Variants in LYZL2 observed in about 807,000 individuals in gnomAD.
LYZL2 encodes the protein lysozyme like 2, also known as lysozyme-like protein 2.
In LYZL2, 13 loss-of-function variants were observed where a neutral mutation model predicts 17.1. The ratio of observed to expected loss-of-function variants is 0.76; its 90% CI spans 0.49 to 1.21. The LOEUF (loss-of-function observed/expected upper bound fraction) is 1.21. Ranked by LOEUF, LYZL2 falls within the 50% of genes most tolerant of loss-of-function variation. The probability of loss-of-function intolerance (pLI) is 0.00; values close to 1 mark genes in which losing one functional copy is unlikely to be tolerated. For missense variants in LYZL2, 166 were observed against 189.2 expected, an observed-to-expected ratio of 0.88 and a Z score of 0.72; for synonymous variants, 63 against 74.4, an observed-to-expected ratio of 0.85 and a Z score of 0.79.
rs1460171583 is a variant in LYZL2 at position 30,626,229 on chromosome 10, G to A, written c.174C>T (p.Asn58=). 1 of 1,614,246 alleles carries A rather than the reference G, an allele frequency of 6.2e-7. No individual in the cohort carries two copies. The highest frequency in any genetic ancestry group is 8.5e-7 in the Non-Finnish European group (1 of 1,180,032). ...ICMAYYESGY[N]TTAQTVLDDG... ...CATCCAGGACCGTCTGGGCTGTGGT[G>A]TTGTAGCCGCTCTCATAATACGCCA... Residue 58 remains asparagine (N), a synonymous_variant, in exon 3 of 5, where the codon AAC becomes AAT. Transcript: ENST00000647634.
In LYZL2 at chr10:30,626,846, G is replaced by A. The variant is rs200693663; in HGVS notation, c.70C>T (p.Arg24Cys). The A allele has an allele frequency of 7.4e-5, 120 of 1,614,082 alleles. No individual in the cohort carries two copies. The highest frequency in any genetic ancestry group is 6.6e-4 in the Middle Eastern group (4 of 6,084). ...VTGAESKIYT[R>C]CKLAKIFSRA... ...GAGAATATTTTTGCCAGTTTGCAAC[G>A]AGTGTAGATTTTGGACTCGGCGCCT... Residue 24 changes from arginine to cysteine, a missense_variant, in exon 2 of 5, where the codon CGT becomes TGT. Arg to Cys is a radical substitution (Grantham distance 180, BLOSUM62 -3). Coordinates refer to ENST00000647634, the MANE Select transcript of LYZL2 (RefSeq NM_183058.3).
intron 3 of LYZL2, among the ~76,000 whole-genome samples, chr10:30,619,818 A>G (rs1174006950): frequency 6.6e-6 from 1 of 152,162 alleles, no homozygotes; most frequent in African/African-American, 2.4e-5. Flanking sequence ...CCTAAAACTT[A>G]AAGTACAATA....
Position 30,612,856 on chromosome 10 carries a change from T to C in LYZL2, c.343A>G (p.Lys115Glu), listed in dbSNP as rs1200674097. Reference protein sequence around the residue: ...DLTDAIICAKKIVKETQGMNY... With the variant: ...DLTDAIICAKEIVKETQGMNY... ...ATTCCTTGTGTCTCTTTAACAATTT[T>C]CTTGGCACAGATAATCGCATCTGTG... The change falls in exon 4 of 5, where the codon AAA (lysine) becomes GAA (glutamate). Residue 115 changes from lysine (K) to glutamate (E), a missense_variant. Coordinates refer to ENST00000647634, the MANE Select transcript of LYZL2 (RefSeq NM_183058.3). The C allele has an allele frequency of 6.2e-7, 1 of 1,613,974 alleles. No homozygotes were observed. Among genetic ancestry groups the C allele is most frequent in the African/African-American group, 1.3e-5 (1 of 75,042 alleles).
chr10:30,611,293 G>A (rs1409999330), downstream of LYZL2, among the ~76,000 whole-genome samples: 9 of 151,834 alleles, frequency 5.9e-5, no homozygotes, highest in Admixed American at 3.9e-4. Context: ...ATGCCAAGGT[G>A]GGCAGATCAC....
chr10:30,628,643 T>C (rs374176666), intron 1 of LYZL2, among the ~76,000 whole-genome samples: 28 of 152,312 alleles, frequency 1.8e-4, no homozygotes, highest in African/African-American at 6.5e-4. Context: ...TCCCGTGTCA[T>C]TTTCTGCACT....
At chr10:30,621,749 A>G (rs187109195) in intron 3 of LYZL2, among the ~76,000 whole-genome samples, 1 of 152,346 alleles carries the variant, frequency 6.6e-6, no homozygotes, top group East Asian at 1.9e-4. Flanking sequence ...AAACAAAGTT[A>G]AAGAAAGTTC....
intron 1 of LYZL2, among the ~76,000 whole-genome samples, chr10:30,628,131 G>A (rs1421592001): frequency 6.6e-6 from 1 of 151,996 alleles, no homozygotes; most frequent in Non-Finnish European, 1.5e-5. Context: ...CTGCACTCCA[G>A]CCTGGGCGAC....
chr10:30,610,404 G>A (rs12413645), downstream of LYZL2, among the ~76,000 whole-genome samples: 19,304 of 152,108 alleles, frequency 0.13, 1,395 homozygotes, highest in East Asian at 0.24. Context: ...GGACATGGAT[G>A]AACCTGGAAA....
At chr10:30,616,204 GAT>G in intron 3 of LYZL2, among the ~76,000 whole-genome samples, 1 of 152,246 alleles carries the variant, frequency 6.6e-6, no homozygotes, top group African/African-American at 2.4e-5. Flanking sequence ...CGTAGTGATA[GAT>G]TTTTTTTAAG....
downstream of LYZL2, among the ~76,000 whole-genome samples, chr10:30,609,188 A>G (rs1838406108): frequency 6.6e-6 from 1 of 152,196 alleles, no homozygotes; most frequent in African/African-American, 2.4e-5. Flanking sequence ...GCACTGCAGA[A>G]GGGACTGTGG....
chr10:30,607,157 C>T (rs1838386044), downstream of LYZL2, among the ~76,000 whole-genome samples: 1 of 151,920 alleles, frequency 6.6e-6, no homozygotes, highest in African/African-American at 2.4e-5. Flanking sequence ...GGTGATCCAC[C>T]CGCCTTGGCC....
chr10:30,623,807 G>T lies in LYZL2; in HGVS notation c.298+2298C>A, dbSNP rs370515398. 4.6e-5 allele frequency among the ~76,000 whole-genome samples: 7 copies of T among 152,072 alleles called. No individual in the cohort carries two copies. The South Asian group carries it at 1.0e-3, about 23-fold the overall frequency. Reference sequence around the variant, plus strand: ...ATAAAGTGGACAATAAGTGTAATGCGCTTGAATCATCCTGAAACCATCCTC... The same window carrying T: ...ATAAAGTGGACAATAAGTGTAATGCTCTTGAATCATCCTGAAACCATCCTC... On this transcript the variant is annotated intron_variant, in intron 3 of 4. Transcript: ENST00000647634.
chr10:30,611,968 C>T lies in LYZL2; in HGVS notation c.434G>A (p.Cys145Tyr), dbSNP rs1838452280. Residue 145 changes from cysteine (C) to tyrosine (Y), a missense_variant, in exon 5 of 5, where the codon TGT (cysteine) becomes TAT (tyrosine). By Grantham distance (194) the Cys-to-Tyr change is radical. Transcript: ENST00000647634. Reference protein sequence around the residue: ...GRDLSDWKKDCEVS With the variant: ...GRDLSDWKKDYEVS ...TCCAGTTCCAGTTTAGGAAACCTCA[C>T]AGTCTTTTTTCCAGTCGGACAGGTC... The T allele has an allele frequency of 1.9e-6, 3 of 1,614,062 alleles. No individual in the cohort carries two copies. Among genetic ancestry groups the T allele is most frequent in the East Asian group, 2.2e-5 (1 of 44,886 alleles).
At chr10:30,622,021 C>A (rs187183424) in intron 3 of LYZL2, among the ~76,000 whole-genome samples, 1 of 151,994 alleles carries the variant, frequency 6.6e-6, no homozygotes, top group South Asian at 2.1e-4. Context: ...GAAACTCATA[C>A]GTTACATATG....
At chr10:30,613,905 G>C (rs1229637601) in intron 3 of LYZL2, among the ~76,000 whole-genome samples, 2 of 152,062 alleles carry the variant, frequency 1.3e-5, no homozygotes, top group African/African-American at 2.4e-5. Flanking sequence ...TTTTTGTAGA[G>C]ACAGGGTTTC....
chr10:30,628,084 C>T (rs569717057), intron 1 of LYZL2, among the ~76,000 whole-genome samples: 1 of 152,096 alleles, frequency 6.6e-6, no homozygotes, highest in South Asian at 2.1e-4. Flanking sequence ...GGCGTGAACC[C>T]AGGAGGCTGA....
chr10:30,621,925 C>A (rs941800554), intron 3 of LYZL2, among the ~76,000 whole-genome samples: 1 of 152,012 alleles, frequency 6.6e-6, no homozygotes, highest in Non-Finnish European at 1.5e-5. Flanking sequence ...TATAAAAATG[C>A]ATTGTGAGGT....
At chr10:30,624,355 A>G (rs901245635) in intron 3 of LYZL2, among the ~76,000 whole-genome samples, 1 of 152,238 alleles carries the variant, frequency 6.6e-6, no homozygotes, top group Non-Finnish European at 1.5e-5. Flanking sequence ...CAGGTCACTC[A>G]GCACAAGTCA....
At chr10:30,627,159 G>A (rs1838727102) in intron 1 of LYZL2, among the ~76,000 whole-genome samples, 1 of 152,140 alleles carries the variant, frequency 6.6e-6, no homozygotes, top group African/African-American at 2.4e-5. Flanking sequence ...AGTCAATGCT[G>A]TGTTCTCAGG....
Sources: allele counts gnomAD v4.1 joint callset (sites outside exome capture counted in the v4.1 genomes callset), GRCh38; gene constraint gnomAD v4.1.1; transcripts MANE v1.5; gene names NCBI Gene and HGNC (gene_info 2026-07-23, HGNC 2026-07-21).